Variants in RBFOX3 observed in about 807,000 individuals in gnomAD.
RBFOX3 encodes the protein RNA binding protein fox-1 homolog 3.
A neutral mutation model predicts 48.7 loss-of-function variants in RBFOX3; 17 were observed. That is an observed-to-expected ratio of 0.35 (90% CI 0.24 to 0.52). The LOEUF (loss-of-function observed/expected upper bound fraction) is 0.52, where lower values mean the gene tolerates loss of function less well. Among genes scored for constraint, RBFOX3 ranks in the 20% least tolerant of loss-of-function variants. The pLI is 0.94. For synonymous variants in RBFOX3, 212 were observed against 209.5 expected (o/e 1.01, Z -0.10); for missense variants, 382 against 497.5 (o/e 0.77, Z 2.21).
chr17:79,138,691 G>GCCCTCACCCACACACGCACGC (rs1568206338), intron 4 of RBFOX3, among the ~76,000 whole-genome samples: 1 of 29,274 alleles, frequency 3.4e-5, no homozygotes, highest in African/African-American at 1.5e-4. Context: ...CATACACATG[G>GCCCTCACCCACACACGCACGC]ACACAGCACA....
At chr17:79,531,854 C>T (rs1486181066) in intron 1 of RBFOX3, among the ~76,000 whole-genome samples, 1 of 152,248 alleles carries the variant, frequency 6.6e-6, no homozygotes, top group Non-Finnish European at 1.5e-5. Context: ...CGTGACTCAC[C>T]TTCATCTGGG....
intron 2 of RBFOX3, among the ~76,000 whole-genome samples, chr17:79,383,323 T>C (rs1434834933): frequency 6.6e-6 from 1 of 152,234 alleles, no homozygotes; most frequent in Non-Finnish European, 1.5e-5. Context: ...ACGTGACCAC[T>C]GCCTCCCCAA....
chr17:79,100,774 T>G (rs1281733587), intron 9 of RBFOX3, among the ~76,000 whole-genome samples: 1 of 152,208 alleles, frequency 6.6e-6, no homozygotes, highest in African/African-American at 2.4e-5. Context: ...CCTTGCCGGA[T>G]GGAGTTAAGA....
the RBFOX3 span, among the ~76,000 whole-genome samples, chr17:79,652,543 ACG>A: frequency 7.9e-5 from 7 of 88,272 alleles, no homozygotes; most frequent in African/African-American, 3.1e-4. Flanking sequence ...GGGGAAAAGA[ACG>A]AGAGAAAGAG....
intron 3 of RBFOX3, among the ~76,000 whole-genome samples, chr17:79,261,403 C>T (rs562781508): frequency 1.3e-5 from 2 of 152,354 alleles, no homozygotes; most frequent in East Asian, 3.9e-4. Flanking sequence ...AGACCCAAGA[C>T]CTGCTTTTCT....
intron 2 of RBFOX3, among the ~76,000 whole-genome samples, chr17:79,472,332 T>A (rs1316476146): frequency 1.3e-5 from 2 of 152,220 alleles, no homozygotes; most frequent in African/African-American, 4.8e-5. Context: ...AAAATTCCCG[T>A]GCACCCTTCT....
At chr17:79,336,906 G>A (rs1364469859) in intron 2 of RBFOX3, among the ~76,000 whole-genome samples, 3 of 151,946 alleles carry the variant, frequency 2.0e-5, no homozygotes, top group Non-Finnish European at 4.4e-5. Flanking sequence ...GATCACCTGA[G>A]GCCAGGAGTT....
At chr17:79,388,084 G>A (rs2060827574) in intron 2 of RBFOX3, among the ~76,000 whole-genome samples, 1 of 151,996 alleles carries the variant, frequency 6.6e-6, no homozygotes, top group Non-Finnish European at 1.5e-5. Flanking sequence ...GCCTACGTGT[G>A]CATGTGTGTG....
At chr17:79,644,515 A>G in the RBFOX3 span, among the ~76,000 whole-genome samples, 1 of 152,204 alleles carries the variant, frequency 6.6e-6, no homozygotes, top group Non-Finnish European at 1.5e-5. Flanking sequence ...AGAATCTATA[A>G]CATAACTAGA....
chr17:79,139,903 A>C (rs1262970448), intron 4 of RBFOX3, among the ~76,000 whole-genome samples: 1 of 152,278 alleles, frequency 6.6e-6, no homozygotes, highest in South Asian at 2.1e-4. Context: ...CACTATCCCC[A>C]TGTTACTGAT....
intron 1 of RBFOX3, among the ~76,000 whole-genome samples, chr17:79,503,709 T>C (rs2082677875): frequency 6.6e-6 from 1 of 152,114 alleles, no homozygotes; most frequent in South Asian, 2.1e-4. Context: ...GGGGCCCCAC[T>C]ATGGTTGTAG....
intron 3 of RBFOX3, among the ~76,000 whole-genome samples, chr17:79,245,793 A>T (rs1410394289): frequency 1.3e-5 from 2 of 151,806 alleles, no homozygotes; most frequent in Non-Finnish European, 2.9e-5. Flanking sequence ...ATGACTGGCT[A>T]ATTTTTGTAT....
At chr17:79,508,072 T>C (rs1246733969) in intron 1 of RBFOX3, among the ~76,000 whole-genome samples, 1 of 152,222 alleles carries the variant, frequency 6.6e-6, no homozygotes, top group East Asian at 1.9e-4. Flanking sequence ...TGGGACCGAT[T>C]TGTAAACTGC....
chr17:79,521,319 CACACACATTCAT>C (rs1282480240), intron 1 of RBFOX3, among the ~76,000 whole-genome samples: 1 of 151,618 alleles, frequency 6.6e-6, no homozygotes, highest in African/African-American at 2.4e-5. Flanking sequence ...CATGCTCAGA[CACACACATTCAT>C]ACACACATTC....
intron 3 of RBFOX3, among the ~76,000 whole-genome samples, chr17:79,290,834 TG>T (rs1368692693): frequency 1.3e-5 from 2 of 152,194 alleles, no homozygotes; most frequent in African/African-American, 4.8e-5. Flanking sequence ...AATTCTTCCA[TG>T]CCCTCAGCCC....
At chr17:79,497,390 A>C (rs2081692735) in intron 1 of RBFOX3, among the ~76,000 whole-genome samples, 1 of 152,188 alleles carries the variant, frequency 6.6e-6, no homozygotes, top group Non-Finnish European at 1.5e-5. Context: ...CTTCCAATGG[A>C]CCGCAGAGTC....
At chr17:79,229,558 CAAAAA>C (rs11435725) in intron 4 of RBFOX3, among the ~76,000 whole-genome samples, 2 of 50,644 alleles carry the variant, frequency 3.9e-5, no homozygotes, top group Non-Finnish European at 3.5e-5. Flanking sequence ...GACTCCATCT[CAAAAA>C]AAAAAAAAAA....
chr17:79,635,638 A>G, the RBFOX3 span, among the ~76,000 whole-genome samples: 1 of 152,200 alleles, frequency 6.6e-6, no homozygotes, highest in Non-Finnish European at 1.5e-5. Flanking sequence ...AAAAATAGAG[A>G]CTATAAACAA....
intron 4 of RBFOX3, among the ~76,000 whole-genome samples, chr17:79,188,179 G>A (rs982381622): frequency 6.6e-6 from 1 of 152,142 alleles, no homozygotes; most frequent in African/African-American, 2.4e-5. Flanking sequence ...CACCTTCACC[G>A]GCTGGCCTGC....
Sources: gnomAD v4.1 joint callset for allele counts (sites outside exome capture counted in the v4.1 genomes callset) on GRCh38, gnomAD v4.1.1 for gene constraint, MANE v1.5 for transcripts, NCBI Gene and HGNC (gene_info 2026-07-23, HGNC 2026-07-21) for gene names.